The following GBE1 variants were observed in gnomAD, a reference collection of about 807,000 sequenced individuals.
GBE1 encodes the protein 1,4-alpha-glucan branching enzyme 1.
GBE1 carries 70 observed loss-of-function variants against 88.8 expected under a neutral mutation model. The ratio of observed to expected loss-of-function variants is 0.79; its 90% confidence interval spans 0.65 to 0.96. The LOEUF (loss-of-function observed/expected upper bound fraction) is 0.96, where lower values mean the gene tolerates loss of function less well. GBE1 is among the 40% of genes least tolerant of loss of function. The pLI, the probability that GBE1 is intolerant of heterozygous loss-of-function variation, is 0.00. For synonymous variants in GBE1, 284 were observed against 300.1 expected (o/e 0.95, Z 0.56); for missense variants, 872 against 871.0 (o/e 1.00, Z -0.01).
chr3:81,490,504 C>T (rs755211146), intron 15 of GBE1, 41 bp from the exon 16 acceptor site: 9 of 1,492,528 alleles, frequency 6.0e-6, no homozygotes, highest in Non-Finnish European at 8.4e-6. Context: ...GAAGAAAGTA[C>T]CAAACGGCCT....
chr3:81,581,117 G>A, intron 11 of GBE1, 48 bp downstream of exon 11: 2 of 1,033,338 alleles, frequency 1.9e-6, no homozygotes, highest in East Asian at 2.5e-5. Flanking sequence ...AGGGAAGGAG[G>A]AAGAGAGAGA....
At chr3:81,643,859 A>C (rs773900843) in intron 6 of GBE1, among the ~76,000 whole-genome samples, 17 of 152,130 alleles carry the variant, frequency 1.1e-4, no homozygotes, top group Non-Finnish European at 2.4e-4. Context: ...CCTACTTAAA[A>C]TCATACTTGT....
At chr3:81,695,092 AAC>A (rs1705571768) in intron 2 of GBE1, among the ~76,000 whole-genome samples, 1 of 152,204 alleles carries the variant, frequency 6.6e-6, no homozygotes, top group Non-Finnish European at 1.5e-5. Context: ...TCATTAGAGA[AAC>A]ACTACATTTT....
chr3:81,674,766 T>C (rs1240811017), intron 2 of GBE1, among the ~76,000 whole-genome samples: 2 of 151,970 alleles, frequency 1.3e-5, no homozygotes, highest in African/African-American at 4.8e-5. Flanking sequence ...CTCAAACTTT[T>C]TTTCATTTAA....
At chr3:81,565,784 G>A (rs1238339577) in intron 12 of GBE1, among the ~76,000 whole-genome samples, 2 of 151,862 alleles carry the variant, frequency 1.3e-5, no homozygotes, top group East Asian at 3.9e-4. Flanking sequence ...CAAGAAAGCA[G>A]GAAAAACATA....
chr3:81,750,567 A>ACG (rs1706489859), intron 1 of GBE1, among the ~76,000 whole-genome samples: 2 of 69,864 alleles, frequency 2.9e-5, no homozygotes, highest in African/African-American at 1.6e-4. Flanking sequence ...ATATATGTAT[A>ACG]TATATATACG....
At chr3:81,643,607 G>A (rs1704722923) in intron 6 of GBE1, among the ~76,000 whole-genome samples, 1 of 152,172 alleles carries the variant, frequency 6.6e-6, no homozygotes, top group Non-Finnish European at 1.5e-5. Flanking sequence ...TTCTTAACCT[G>A]TGTAAAATTT....
intron 15 of GBE1, among the ~76,000 whole-genome samples, 152 bp downstream of exon 15, chr3:81,498,958 T>C (rs1265808346): frequency 1.3e-5 from 2 of 152,186 alleles, no homozygotes; most frequent in East Asian, 1.9e-4. Context: ...ACACATTACA[T>C]CTGGCCAAGC....
chr3:81,527,021 G>C (rs1576133095), intron 14 of GBE1, among the ~76,000 whole-genome samples: 1 of 151,944 alleles, frequency 6.6e-6, no homozygotes. Context: ...CCAAAACAGA[G>C]ATATAGACCA....
At chr3:81,612,155 T>A (rs6548771) in intron 7 of GBE1, 180,520 of 307,408 alleles carry the variant, frequency 0.59, 57,121 homozygotes, top group East Asian at 0.9. Flanking sequence ...TAAGACATTT[T>A]CTTTATCAAG....
chr3:81,566,952 T>C (rs532959811), intron 12 of GBE1, among the ~76,000 whole-genome samples: 1 of 152,300 alleles, frequency 6.6e-6, no homozygotes, highest in East Asian at 1.9e-4. Flanking sequence ...TGTTCTTATA[T>C]TTCATAAGAA....
At chr3:81,597,131 A>C (rs535377918) in intron 7 of GBE1, among the ~76,000 whole-genome samples, 24 of 152,024 alleles carry the variant, frequency 1.6e-4, no homozygotes, top group African/African-American at 5.8e-4. Flanking sequence ...AGAGTATAAC[A>C]ATGTCTGGTA....
chr3:81,518,499 A>C (rs1308866375), intron 14 of GBE1, among the ~76,000 whole-genome samples: 1 of 151,462 alleles, frequency 6.6e-6, no homozygotes, highest in African/African-American at 2.4e-5. Flanking sequence ...ATCATGCAAA[A>C]TATTTTTCTT....
At chr3:81,734,602 T>G (rs114208551) in intron 1 of GBE1, among the ~76,000 whole-genome samples, 4,357 of 152,248 alleles carry the variant, frequency 0.029, 222 homozygotes, top group African/African-American at 0.095. Flanking sequence ...TTTAGGGTAC[T>G]AGTTTGAGAT....
At chr3:81,761,197 G>A (rs991252219) in intron 1 of GBE1, among the ~76,000 whole-genome samples, 178 bp downstream of exon 1, 2 of 152,234 alleles carry the variant, frequency 1.3e-5, no homozygotes, top group Admixed American at 6.5e-5. Flanking sequence ...TGTCAAACCT[G>A]CCACTACGGA....
chr3:81,649,509 G>C (rs1036876910), intron 4 of GBE1, among the ~76,000 whole-genome samples: 1 of 136,118 alleles, frequency 7.3e-6, no homozygotes. Context: ...AGAAATTGTA[G>C]TTTAAAAAAA....
intron 12 of GBE1, among the ~76,000 whole-genome samples, chr3:81,553,901 G>C (rs1454143653): frequency 6.6e-6 from 1 of 151,964 alleles, no homozygotes; most frequent in African/African-American, 2.4e-5. Context: ...TTCAAACTTT[G>C]ACCTATATGC....
intron 7 of GBE1, among the ~76,000 whole-genome samples, chr3:81,624,356 A>G (rs1235647882): frequency 2.0e-5 from 3 of 152,308 alleles, no homozygotes; most frequent in Middle Eastern, 3.4e-3. Context: ...GATCTGGGTG[A>G]GGACACAAAG....
At chr3:81,642,221 T>C (rs1194850664) in intron 7 of GBE1, among the ~76,000 whole-genome samples, 1 of 152,022 alleles carries the variant, frequency 6.6e-6, no homozygotes, top group Non-Finnish European at 1.5e-5. Context: ...GCTATAACAA[T>C]AGTGTTTACC....
Sources: gnomAD v4.1 joint callset for allele counts (sites outside exome capture counted in the v4.1 genomes callset) on GRCh38, gnomAD v4.1.1 for gene constraint, MANE v1.5 for transcripts, NCBI Gene and HGNC (gene_info 2026-07-23, HGNC 2026-07-21) for gene names.